The following MAPK6 variants were observed in gnomAD, a reference collection of about 807,000 sequenced individuals.
MAPK6 encodes the protein mitogen-activated protein kinase 6, also known as ERK-3.
Under a neutral mutation model 59.3 loss-of-function variants are expected in MAPK6, and 19 were observed. That is an observed-to-expected ratio of 0.32 (90% CI 0.22 to 0.47). The LOEUF (loss-of-function observed/expected upper bound fraction) is 0.47, where lower values mean the gene tolerates loss of function less well. MAPK6 is among the 20% of genes least tolerant of loss of function. The pLI, the probability that MAPK6 is intolerant of heterozygous loss-of-function variation, is 1.00. For synonymous variants in MAPK6, 316 were observed against 290.3 expected (o/e 1.09, Z -0.90); for missense variants, 724 against 847.9 (o/e 0.85, Z 1.81).
At chr15:52,017,184 G>C (rs1265360078), upstream of MAPK6, 2 of 152,334 alleles carry the variant, frequency 1.3e-5, no homozygotes, top group Admixed American at 6.5e-5. Flanking sequence ...GAAAAACAAG[G>C]CTGTTTATTT....
intron 1 of MAPK6, among the ~76,000 whole-genome samples, chr15:52,034,323 G>GC (rs2031160146): frequency 7.0e-6 from 1 of 142,864 alleles, no homozygotes; most frequent in Non-Finnish European, 1.5e-5. Context: ...TTTGTCGTTC[G>GC]TTTTTTTTTT....
At chr15:52,013,811 C>T (rs1010928084) in intron 3 of MAPK6, among the ~76,000 whole-genome samples, 4 of 152,226 alleles carry the variant, frequency 2.6e-5, no homozygotes, top group African/African-American at 9.6e-5. Context: ...ATAGATTCTT[C>T]TACCTGCTCC....
intron 1 of MAPK6, among the ~76,000 whole-genome samples, chr15:52,025,744 C>A (rs919279829): frequency 1.3e-5 from 2 of 151,916 alleles, no homozygotes; most frequent in Non-Finnish European, 2.9e-5. Flanking sequence ...TTGCAGTGAG[C>A]GCCACTGCAC....
chr15:52,061,202 C>A, intron 4 of MAPK6, 97 bp from the exon 5 acceptor site: 1 of 875,390 alleles, frequency 1.1e-6, no homozygotes, highest in South Asian at 1.5e-5. Flanking sequence ...CTAAGGTAAT[C>A]ACTTAGCTAG....
rs1174361824 is a variant in MAPK6 at position 52,019,610 on chromosome 15, G to A, written c.-632+234G>A. On this transcript the variant is annotated intron_variant, in intron 1 of 5. Coordinates refer to ENST00000261845, the MANE Select transcript of MAPK6 (RefSeq NM_002748.4). ...GGGCCTGGCCGGCGCGTCCCCGCGC[G>A]GGCGGGCGGGCGGCGGGCTGGGGTC... Among the ~76,000 whole-genome samples the A allele has an allele frequency of 2.7e-5, 4 of 146,198 alleles. No homozygotes were observed. The East Asian group carries it at 8.0e-4, about 29-fold the overall frequency.
At chr15:51,986,441 C>CA (rs2057191474) in intron 2 of MAPK6, among the ~76,000 whole-genome samples, 1 of 152,012 alleles carries the variant, frequency 6.6e-6, no homozygotes, top group Non-Finnish European at 1.5e-5. Flanking sequence ...GGACATAAGC[C>CA]AAAATGTACA....
intron 2 of MAPK6, among the ~76,000 whole-genome samples, chr15:52,048,533 A>G (rs1422636635): frequency 5.3e-5 from 8 of 152,106 alleles, no homozygotes; most frequent in Non-Finnish European, 1.5e-5. Flanking sequence ...AGGAGAATCC[A>G]GGAGGTGGAG....
intron 3 of MAPK6, among the ~76,000 whole-genome samples, chr15:52,013,747 C>G (rs1479098250): frequency 6.6e-6 from 1 of 152,080 alleles, no homozygotes; most frequent in East Asian, 1.9e-4. Context: ...CCTTAGAGGA[C>G]GTGGGAGTAT....
chr15:52,064,125 C>G lies in MAPK6; in HGVS notation c.1291C>G (p.His431Asp), dbSNP rs2032315252. Residue 431 changes from histidine (H) to aspartate (D), a missense_variant, in exon 6 of 6, where the codon CAT becomes GAT. Physicochemically the swap from His to Asp is moderately conservative, Grantham distance 81. Transcript: ENST00000261845. ...TEPCWQYSDH[H>D]ENKYCDLECS... Reference sequence around the variant, plus strand: ...GCCTTGTTGGCAATACTCAGATCATCATGAAAACAAATATTGTGATCTGGA... The same window carrying G: ...GCCTTGTTGGCAATACTCAGATCATGATGAAAACAAATATTGTGATCTGGA... 7 of 1,611,670 alleles carry G rather than the reference C, an allele frequency of 4.3e-6. No homozygotes were observed. The highest frequency in any genetic ancestry group is 5.9e-6 in the Non-Finnish European group (7 of 1,178,566).
chr15:52,045,488 T>C (rs1341727723), intron 1 of MAPK6, among the ~76,000 whole-genome samples: 2 of 152,218 alleles, frequency 1.3e-5, no homozygotes, highest in East Asian at 1.9e-4. Flanking sequence ...GATATTTAGA[T>C]AGATGTTACT....
intron 1 of MAPK6, among the ~76,000 whole-genome samples, chr15:51,977,572 G>A (rs553948762): frequency 6.6e-6 from 1 of 151,780 alleles, no homozygotes; most frequent in Non-Finnish European, 1.5e-5. Context: ...GTCTCCCTCT[G>A]TCACCCAGGC....
At chr15:51,999,740 CT>C (rs2057237013) in intron 2 of MAPK6, among the ~76,000 whole-genome samples, 1 of 152,140 alleles carries the variant, frequency 6.6e-6, no homozygotes, top group Admixed American at 6.5e-5. Context: ...ACCTCCTGGG[CT>C]TAAGCCAGCC....
At chr15:51,992,680 G>C (rs536839125) in intron 2 of MAPK6, among the ~76,000 whole-genome samples, 1 of 152,216 alleles carries the variant, frequency 6.6e-6, no homozygotes, top group East Asian at 1.9e-4. Flanking sequence ...GCTATAAAGT[G>C]GGGTTTCCAT....
intron 1 of MAPK6, among the ~76,000 whole-genome samples, chr15:52,039,509 CTTTTTTTTTTT>C (rs11341546): frequency 1.2e-5 from 1 of 85,830 alleles, no homozygotes; most frequent in Non-Finnish European, 2.4e-5. Flanking sequence ...AGTGTTTTGT[CTTTTTTTTTTT>C]TTTTTTTTTT....
At chr15:51,977,720 A>G (rs1023109209) in intron 1 of MAPK6, among the ~76,000 whole-genome samples, 8 of 151,572 alleles carry the variant, frequency 5.3e-5, no homozygotes, top group Admixed American at 3.9e-4. Flanking sequence ...ATTTTTTTGT[A>G]GAGACAGGGT....
At chr15:52,022,967 TG>T (rs1431138107) in intron 1 of MAPK6, among the ~76,000 whole-genome samples, 2 of 151,264 alleles carry the variant, frequency 1.3e-5, no homozygotes. Context: ...ATTAGCTGGG[TG>T]TGGTGGCACG....
rs1314282929 is a variant in MAPK6, at chr15:52,063,413, C to T, written c.1068-489C>T. The stretch of plus-strand genomic sequence containing the variant: ...AGTTATCTAATCTCTTTTCTTTTCC[C>T]TCAATGATTATACATGTCAGTAATA... On this transcript the variant is annotated intron_variant, in intron 5 of 5. Coordinates refer to ENST00000261845, the MANE Select transcript of MAPK6 (RefSeq NM_002748.4). Among the ~76,000 whole-genome samples the T allele has an allele frequency of 2.0e-5, 3 of 152,122 alleles. 1 individual carries two copies. The highest frequency in any genetic ancestry group is 2.0e-4 in the Admixed American group (3 of 15,250).
intron 2 of MAPK6, among the ~76,000 whole-genome samples, chr15:51,992,741 G>A (rs1344995629): frequency 6.6e-6 from 1 of 152,112 alleles, no homozygotes; most frequent in African/African-American, 2.4e-5. Flanking sequence ...AAAGACTCAG[G>A]GAAATGCTTT....
At chr15:52,001,990 A>C (rs2057243443) in intron 2 of MAPK6, among the ~76,000 whole-genome samples, 1 of 152,034 alleles carries the variant, frequency 6.6e-6, no homozygotes, top group African/African-American at 2.4e-5. Context: ...TCTTCTTTGG[A>C]GTTTGGCTAC....
Sources: allele counts gnomAD v4.1 joint callset (sites outside exome capture counted in the v4.1 genomes callset), GRCh38; gene constraint gnomAD v4.1.1; transcripts MANE v1.5; gene names NCBI Gene and HGNC (gene_info 2026-07-23, HGNC 2026-07-21).